Variants in ST3GAL4 observed in about 807,000 individuals in gnomAD.
ST3GAL4 encodes the protein ST3 beta-galactoside alpha-2,3-sialyltransferase 4, also known as CMP-N-acetylneuraminate-beta-galactosamide-alpha-2,3-sialyltransferase 4.
A neutral mutation model predicts 42.6 loss-of-function variants in ST3GAL4; 24 were observed. That is an observed-to-expected ratio of 0.56 (90% CI 0.41 to 0.79). ST3GAL4 has a LOEUF of 0.79. Ranked by LOEUF, ST3GAL4 falls within the 30% of genes least tolerant of loss-of-function variation. The probability of loss-of-function intolerance (pLI) is 0.00; values close to 1 mark genes in which losing one functional copy is unlikely to be tolerated. For synonymous variants in ST3GAL4, 135 were observed against 163.2 expected, an observed-to-expected ratio of 0.83 and a Z score of 1.32; for missense variants, 311 against 430.8, an observed-to-expected ratio of 0.72 and a Z score of 2.46.
intron 8 of ST3GAL4, 71 bp downstream of exon 8, chr11:126,408,567 C>A: frequency 6.5e-7 from 1 of 1,541,266 alleles, no homozygotes; most frequent in Non-Finnish European, 8.8e-7. Context: ...ACCTCACGCT[C>A]CTTGATGTCC....
rs1056056244 is a variant in ST3GAL4 at position 126,396,220 on chromosome 11, A to G, written c.-60-9876A>G. Among the ~76,000 whole-genome samples, 3 of 151,950 alleles carry G rather than the reference A, an allele frequency of 2.0e-5. No homozygotes were observed. The highest frequency in any genetic ancestry group is 7.3e-5 in the African/African-American group (3 of 41,294). ...CGTGGGCAGCGGACACTAAGCCGAG[A>G]GGAATCGCTGTGGGTTGGCAGACAC... On this transcript the variant is annotated intron_variant, in intron 1 of 10. Transcript: ENST00000444328. The surrounding 1 kb of genome is among the most constrained non-coding windows in gnomAD (Gnocchi z 5.8).
In ST3GAL4 at chr11:126,409,458, G is replaced by A. The variant is rs750143413; in HGVS notation, c.771+47G>A. 1.2e-6 allele frequency: 2 copies of A among 1,613,278 alleles called. No individual in the cohort carries two copies. ...TGAGGGCTAGGATCCTGGGCGGGAA[G>A]TAGGAGGGATGATCCTATGGGCTTA... On this transcript the variant is annotated intron_variant, in intron 9 of 10. Coordinates refer to ENST00000444328, the MANE Select transcript of ST3GAL4 (RefSeq NM_001254757.2). The surrounding 1 kb of genome is among the most constrained non-coding windows in gnomAD (Gnocchi z 4.9).
At chr11:126,408,760 G>A in intron 8 of ST3GAL4, 1 of 529,302 alleles carries the variant, frequency 1.9e-6, no homozygotes, top group Non-Finnish European at 3.4e-6. Flanking sequence ...TCTGTGACAG[G>A]AAAGCTTTCC....
Position 126,396,194 on chromosome 11 carries a change from A to AGTCCCCTCTAGTC in ST3GAL4, c.-60-9902_-60-9901insGTCCCCTCTAGTC, listed in dbSNP as rs1953749117. Among the ~76,000 whole-genome samples the AGTCCCCTCTAGTC allele has an allele frequency of 3.3e-5, 5 of 151,982 alleles. No homozygotes were observed. In the South Asian group the frequency reaches 1.0e-3, roughly 32 times the overall value. On this transcript the variant is annotated intron_variant, in intron 1 of 10. Transcript: ENST00000444328. The surrounding 1 kb of genome is among the most constrained non-coding windows in gnomAD (Gnocchi z 5.8). ...CAGTCCAGCTTGAGTCCCCTCTAGA[A>AGTCCCCTCTAGTC]CGTGGGCAGCGGACACTAAGCCGAG... is the stretch of plus-strand genomic sequence containing the variant.
chr11:126,372,264 CTA>C (rs1295325590), intron 1 of ST3GAL4, among the ~76,000 whole-genome samples: 4 of 152,148 alleles, frequency 2.6e-5, no homozygotes, highest in Non-Finnish European at 5.9e-5. Flanking sequence ...CTTTCTGTGT[CTA>C]TGAGTTTGAC....
Position 126,409,141 on chromosome 11 carries a change from C to T in ST3GAL4, c.628-127C>T. On this transcript the variant is annotated intron_variant, in intron 8 of 10. Coordinates refer to ENST00000444328, the MANE Select transcript of ST3GAL4 (RefSeq NM_001254757.2). The surrounding 1 kb of genome is among the most constrained non-coding windows in gnomAD (Gnocchi z 4.9). The stretch of plus-strand genomic sequence containing the variant: ...CACAGACTTCACCTCCCTTTCCTCT[C>T]ACCTTGTGCTCCTGAAGGCCTCTGC... 1 of 1,191,664 alleles carries T rather than the reference C, an allele frequency of 8.4e-7. No homozygotes were observed. The highest frequency in any genetic ancestry group is 1.4e-5 in the South Asian group (1 of 71,822). 73.8% of individuals were successfully genotyped at this position (1,191,664 alleles called of 1,614,324 possible). A position where few individuals can be genotyped will look rare whatever the true frequency, so the allele number is the denominator to read the frequency against.
chr11:126,385,283 T>C (rs1263200563), intron 1 of ST3GAL4, among the ~76,000 whole-genome samples: 4 of 151,640 alleles, frequency 2.6e-5, no homozygotes, highest in African/African-American at 9.7e-5. Flanking sequence ...GCCTCCCGAG[T>C]AGGGGACTAC....
Position 126,359,770 on chromosome 11 carries a change from G to A in ST3GAL4, c.-61+3928G>A, listed in dbSNP as rs557205733. Among the ~76,000 whole-genome samples, 129 of 147,176 alleles carry A rather than the reference G, an allele frequency of 8.8e-4. No homozygotes were observed. Among genetic ancestry groups the A allele is most frequent in the Non-Finnish European group, 1.5e-3 (102 of 67,886 alleles). On this transcript the variant is annotated intron_variant, in intron 1 of 10. Transcript: ENST00000444328. This position sits in a 1 kb window ranked among gnomAD's most constrained non-coding sequence, Gnocchi z 4.8. ...TTCCCTCCTTCCCTCCTTCCCCGTG[G>A]GCCCTCCCAGCCTCCCCAGCCCCCA...
rs1274915190 is a variant in ST3GAL4 at position 126,409,475 on chromosome 11, A to G, written c.771+64A>G. ...GGCGGGAAGTAGGAGGGATGATCCT[A>G]TGGGCTTAGGAAGCCCTGGAAGGAT... is the stretch of plus-strand genomic sequence containing the variant. On this transcript the variant is annotated intron_variant, in intron 9 of 10. Transcript: ENST00000444328. This position sits in a 1 kb window ranked among gnomAD's most constrained non-coding sequence, Gnocchi z 4.9. The G allele has an allele frequency of 1.2e-6, 2 of 1,607,502 alleles. No individual in the cohort carries two copies. Among genetic ancestry groups the G allele is most frequent in the Admixed American group, 1.7e-5 (1 of 59,896 alleles).
At position 126,411,286 on chromosome 11, in the gene ST3GAL4, C is replaced by T. The variant is rs758784205; in HGVS notation, c.771+1875C>T. 7.2e-5 allele frequency among the ~76,000 whole-genome samples: 11 copies of T among 152,024 alleles called. No individual in the cohort carries two copies. The highest frequency in any genetic ancestry group is 8.8e-5 in the Non-Finnish European group (6 of 67,996). On this transcript the variant is annotated intron_variant, in intron 9 of 10. Transcript: ENST00000444328. This position sits in a 1 kb window ranked among gnomAD's most constrained non-coding sequence, Gnocchi z 6.3. ...TCAGCCTCCCAAGTAGCTGGGATTA[C>T]AGGCATGTACCACCACACCTGGCTA...
rs188316538 is a variant in ST3GAL4 at position 126,378,017 on chromosome 11, C to G, written c.-61+22175C>G. ...AGAAGTATGAAATCCAGAACCCCTTCGTAAGACTGTGTCTGGGATATTATG... is the reference window on the plus strand; with the variant it reads ...AGAAGTATGAAATCCAGAACCCCTTGGTAAGACTGTGTCTGGGATATTATG... On this transcript the variant is annotated intron_variant, in intron 1 of 10. Coordinates refer to ENST00000444328, the MANE Select transcript of ST3GAL4 (RefSeq NM_001254757.2). This position sits in a 1 kb window ranked among gnomAD's most constrained non-coding sequence, Gnocchi z 5.3. Among the ~76,000 whole-genome samples the G allele has an allele frequency of 2.0e-5, 3 of 152,242 alleles. No individual in the cohort carries two copies. The East Asian group carries it at 5.8e-4, about 29-fold the overall frequency.
intron 1 of ST3GAL4, among the ~76,000 whole-genome samples, chr11:126,361,325 A>ATT (rs11423373): frequency 6.7e-6 from 1 of 148,362 alleles, no homozygotes; most frequent in African/African-American, 2.5e-5. Flanking sequence ...TTCCACTTCA[A>ATT]TTTTTTTTTG....
chr11:126,402,152 C>T (rs1247973886), intron 1 of ST3GAL4, among the ~76,000 whole-genome samples: 8 of 151,264 alleles, frequency 5.3e-5, no homozygotes, highest in Admixed American at 4.6e-4. Context: ...CAGGTTTTCC[C>T]TACAGAACTG....
rs1048972359 is a variant in ST3GAL4 at position 126,366,499 on chromosome 11, G to A, written c.-61+10657G>A. Among the ~76,000 whole-genome samples, 1 of 152,072 alleles carries A rather than the reference G, an allele frequency of 6.6e-6. No homozygotes were observed. Among genetic ancestry groups the A allele is most frequent in the African/African-American group, 2.4e-5 (1 of 41,388 alleles). ...TGTGTAGGTTACTGACATGGGGAGG[G>A]GTGGGGCTTGCTTTCCTCACCCCGC... is the stretch of plus-strand genomic sequence containing the variant. On this transcript the variant is annotated intron_variant, in intron 1 of 10. Coordinates refer to ENST00000444328, the MANE Select transcript of ST3GAL4 (RefSeq NM_001254757.2). The surrounding 1 kb of genome is among the most constrained non-coding windows in gnomAD (Gnocchi z 4.2).
In ST3GAL4 at chr11:126,410,247, T is replaced by C. The variant is rs1954461321; in HGVS notation, c.771+836T>C. On this transcript the variant is annotated intron_variant, in intron 9 of 10. Transcript: ENST00000444328. This position sits in a 1 kb window ranked among gnomAD's most constrained non-coding sequence, Gnocchi z 5.3. ...TGTGTTTCTTCTTTTTAACCTGATG[T>C]CCTTGAGCCATAGCAAGTTATGGTT... Among the ~76,000 whole-genome samples, 1 of 152,348 alleles carries C rather than the reference T, an allele frequency of 6.6e-6. No individual in the cohort carries two copies. Among genetic ancestry groups the C allele is most frequent in the Non-Finnish European group, 1.5e-5 (1 of 68,040 alleles).
In ST3GAL4 at chr11:126,355,908, T is replaced by C. The variant is rs1463112064; in HGVS notation, c.-61+66T>C. 1 of 149,464 alleles carries C rather than the reference T, an allele frequency of 6.7e-6. No individual in the cohort carries two copies. The highest frequency in any genetic ancestry group is 1.5e-5 in the Non-Finnish European group (1 of 66,990). The allele number at this position is 149,464 out of a possible 1,614,324, so 9.3% of individuals were successfully genotyped here. A position where few individuals can be genotyped will look rare whatever the true frequency, so the allele number is the denominator to read the frequency against. Reference sequence around the variant, plus strand: ...GGCGGGGCGGGGAGCCGCGGGGTCCTCGGCCGCCTGACCCCAGCCGGCGCC... The same window carrying C: ...GGCGGGGCGGGGAGCCGCGGGGTCCCCGGCCGCCTGACCCCAGCCGGCGCC... On this transcript the variant is annotated intron_variant, in intron 1 of 10. Transcript: ENST00000444328. The surrounding 1 kb of genome is among the most constrained non-coding windows in gnomAD (Gnocchi z 7.1).
Position 126,409,392 on chromosome 11 carries a change from A to G in ST3GAL4, c.752A>G (p.Gln251Arg). Residue 251 changes from glutamine (Q) to arginine (R), a missense_variant, in exon 9 of 11, where the codon CAG becomes CGG. Gln to Arg is a conservative substitution (Grantham distance 43). Transcript: ENST00000444328. This position sits in a 1 kb window ranked among gnomAD's most constrained non-coding sequence, Gnocchi z 4.9. The stretch of plus-strand genomic sequence containing the variant: ...AAACTGCTGAGCCTGCCAATGCAAC[A>G]GCCACGGAAGATTAAGCAGGTGATG... ...ADKLLSLPMQ[Q>R]PRKIKQKPTT... The G allele has an allele frequency of 1.2e-6, 2 of 1,614,248 alleles. No homozygotes were observed. The highest frequency in any genetic ancestry group is 1.7e-6 in the Non-Finnish European group (2 of 1,180,050).
At chr11:126,385,761 C>T (rs1236435396) in intron 1 of ST3GAL4, among the ~76,000 whole-genome samples, 4 of 151,954 alleles carry the variant, frequency 2.6e-5, no homozygotes, top group Admixed American at 1.3e-4. Context: ...CCTGTAATTT[C>T]AGCACTTTGG....
intron 1 of ST3GAL4, among the ~76,000 whole-genome samples, chr11:126,369,803 C>T (rs1442080523): frequency 6.6e-6 from 1 of 152,194 alleles, no homozygotes; most frequent in East Asian, 1.9e-4. Flanking sequence ...CTCCCACCCG[C>T]CCTCTTGAGA....
Sources: gnomAD v4.1 joint callset for allele counts (sites outside exome capture counted in the v4.1 genomes callset) on GRCh38, gnomAD v4.1.1 for gene constraint, Gnocchi (gnomAD v3.1) non-coding constraint, MANE v1.5 for transcripts, NCBI Gene and HGNC (gene_info 2026-07-23, HGNC 2026-07-21) for gene names.